The following NRF1 variants were observed in gnomAD, a reference collection of about 807,000 sequenced individuals.
NRF1 encodes the protein nuclear respiratory factor 1.
NRF1 carries 5 observed loss-of-function variants against 58.5 expected under a neutral mutation model. The ratio of observed to expected loss-of-function variants is 0.09; its 90% CI spans 0.04 to 0.18. NRF1 has a LOEUF of 0.18. NRF1 is among the 10% of genes least tolerant of loss of function. The probability of loss-of-function intolerance (pLI) is 1.00; values close to 1 mark genes in which losing one functional copy is unlikely to be tolerated. For missense variants in NRF1, 288 were observed against 657.7 expected (o/e 0.44, Z 6.15); for synonymous variants, 224 against 246.7 (o/e 0.91, Z 0.86).
intron 1 of NRF1, among the ~76,000 whole-genome samples, chr7:129,646,843 GGA>G (rs146844249): frequency 1.2e-4 from 18 of 152,050 alleles, no homozygotes; most frequent in Admixed American, 2.0e-4. Flanking sequence ...GAAGTGAGAC[GGA>G]GAGAGAGAGA....
intron 1 of NRF1, among the ~76,000 whole-genome samples, chr7:129,647,405 T>C (rs1488953959): frequency 1.5e-5 from 2 of 129,816 alleles, no homozygotes; most frequent in South Asian, 4.6e-4. Flanking sequence ...CTTTTCTTGC[T>C]TTTTTTTTTT....
At chr7:129,619,433 T>TATATATATATAC (rs1554401492) in intron 1 of NRF1, among the ~76,000 whole-genome samples, 1 of 65,874 alleles carries the variant, frequency 1.5e-5, no homozygotes, top group Non-Finnish European at 2.5e-5. Context: ...TATATATATA[T>TATATATATATAC]ACACACACAC....
intron 3 of NRF1, among the ~76,000 whole-genome samples, chr7:129,676,798 A>G (rs1802189558): frequency 6.6e-6 from 1 of 152,234 alleles, no homozygotes; most frequent in South Asian, 2.1e-4. Context: ...TTTTAAAGAA[A>G]GATCCCAGAT....
intron 9 of NRF1, among the ~76,000 whole-genome samples, chr7:129,724,952 T>C (rs1803415253): frequency 6.6e-6 from 1 of 152,166 alleles, no homozygotes; most frequent in South Asian, 2.1e-4. Context: ...CACACACCTA[T>C]AGTTCCAGCT....
chr7:129,671,389 A>G (rs372967685), intron 2 of NRF1, 40 bp from the exon 3 acceptor site: 3 of 1,289,944 alleles, frequency 2.3e-6, no homozygotes, highest in African/African-American at 2.9e-5. Flanking sequence ...AACAGTTTAC[A>G]GGCAGCTGCC....
chr7:129,659,434 G>T (rs1223424681), intron 2 of NRF1, among the ~76,000 whole-genome samples: 1 of 151,998 alleles, frequency 6.6e-6, no homozygotes, highest in Non-Finnish European at 1.5e-5. Context: ...TCTCCAACTG[G>T]TCTCCTGAGA....
intron 1 of NRF1, among the ~76,000 whole-genome samples, chr7:129,621,689 TTA>T (rs1312173394): frequency 6.6e-6 from 1 of 152,166 alleles, no homozygotes; most frequent in African/African-American, 2.4e-5. Flanking sequence ...TTCTGATATG[TTA>T]CCAGAATTAT....
chr7:129,625,856 G>T (rs1167493636), intron 1 of NRF1, among the ~76,000 whole-genome samples: 2 of 151,668 alleles, frequency 1.3e-5, no homozygotes, highest in Non-Finnish European at 2.9e-5. Flanking sequence ...TAATTTTTTG[G>T]TATTTTTAGT....
chr7:129,619,293 G>A (rs73721766), intron 1 of NRF1, among the ~76,000 whole-genome samples: 22,019 of 147,222 alleles, frequency 0.15, 1,808 homozygotes, highest in African/African-American at 0.23. Context: ...CCGGAGGATC[G>A]CTTGAACCCA....
At chr7:129,732,636 CTTG>C (rs1268410451) in intron 10 of NRF1, among the ~76,000 whole-genome samples, 9 of 151,972 alleles carry the variant, frequency 5.9e-5, no homozygotes, top group Non-Finnish European at 8.8e-5. Context: ...GAGTTTCACT[CTTG>C]TTGTCCAGGC....
At chr7:129,670,063 A>G (rs1366771324) in intron 2 of NRF1, among the ~76,000 whole-genome samples, 1 of 152,256 alleles carries the variant, frequency 6.6e-6, no homozygotes, top group African/African-American at 2.4e-5. Flanking sequence ...AACCTTGGGG[A>G]CATTATGATA....
At chr7:129,678,007 C>T (rs558362013) in intron 4 of NRF1, among the ~76,000 whole-genome samples, 1 of 123,806 alleles carries the variant, frequency 8.1e-6, no homozygotes, top group Non-Finnish European at 1.7e-5. Context: ...GGGGAGGGGG[C>T]GGGGAAACAA....
chr7:129,626,653 C>G (rs1800926438), intron 1 of NRF1, among the ~76,000 whole-genome samples: 1 of 152,172 alleles, frequency 6.6e-6, no homozygotes. Flanking sequence ...TTAAACTTAC[C>G]TACTTTGGTG....
intron 10 of NRF1, among the ~76,000 whole-genome samples, chr7:129,745,549 T>A (rs989109165): frequency 1.7e-5 from 2 of 119,932 alleles, no homozygotes; most frequent in Non-Finnish European, 3.2e-5. Context: ...ATGAAACTAG[T>A]CCCTGCTGCC....
At chr7:129,642,428 G>GT (rs1429292475) in intron 1 of NRF1, among the ~76,000 whole-genome samples, 2 of 152,036 alleles carry the variant, frequency 1.3e-5, no homozygotes, top group Non-Finnish European at 2.9e-5. Context: ...CTAAACTACT[G>GT]TATGTTCTTA....
At chr7:129,623,591 G>C (rs1288328260) in intron 1 of NRF1, among the ~76,000 whole-genome samples, 1 of 152,130 alleles carries the variant, frequency 6.6e-6, no homozygotes, top group Non-Finnish European at 1.5e-5. Context: ...AGCTAGTAGT[G>C]TAACCCAATT....
At chr7:129,699,589 G>A (rs1342759126) in intron 5 of NRF1, among the ~76,000 whole-genome samples, 3 of 151,826 alleles carry the variant, frequency 2.0e-5, no homozygotes, top group Non-Finnish European at 4.4e-5. Flanking sequence ...AAATTAGCCA[G>A]GTATGATGGC....
At chr7:129,710,258 A>C (rs1007083528) in intron 6 of NRF1, 116 bp from the exon 7 acceptor site, 34 of 856,864 alleles carry the variant, frequency 4.0e-5, no homozygotes, top group Middle Eastern at 2.9e-4. Context: ...AGGAGAGTCT[A>C]ATAAGAGGTT....
chr7:129,634,041 A>ATATAT (rs1554403123), intron 1 of NRF1, among the ~76,000 whole-genome samples: 37 of 113,798 alleles, frequency 3.3e-4, no homozygotes, highest in African/African-American at 1.3e-3. Context: ...AAAAAAAAAA[A>ATATAT]AGATATATAT....
Sources: gnomAD v4.1 joint callset for allele counts (sites outside exome capture counted in the v4.1 genomes callset) on GRCh38, gnomAD v4.1.1 for gene constraint, MANE v1.5 for transcripts, NCBI Gene and HGNC (gene_info 2026-07-23, HGNC 2026-07-21) for gene names.